Variants in AMDHD2 observed in about 807,000 individuals in gnomAD.
AMDHD2 encodes the protein amidohydrolase domain containing 2, also known as N-acetylglucosamine-6-phosphate deacetylase.
In AMDHD2, 24 loss-of-function variants were observed where a neutral mutation model predicts 41.8. That is an observed-to-expected ratio of 0.57 (90% CI 0.42 to 0.81). The LOEUF (loss-of-function observed/expected upper bound fraction) is 0.81. AMDHD2 is among the 30% of genes least tolerant of loss of function. The pLI is 0.00. For missense variants in AMDHD2, 540 were observed against 588.5 expected, an observed-to-expected ratio of 0.92 and a Z score of 0.85; for synonymous variants, 332 against 255.5, an observed-to-expected ratio of 1.30 and a Z score of -2.85.
intron 10 of AMDHD2, 185 bp from the exon 11 acceptor site, chr16:2,529,290 C>A: frequency 9.0e-7 from 1 of 1,107,992 alleles, no homozygotes. Flanking sequence ...CAGACAAGGC[C>A]AGGCAAGGGG....
intron 3 of AMDHD2, among the ~76,000 whole-genome samples, chr16:2,522,057 T>A (rs145261004): frequency 2.5e-3 from 387 of 152,242 alleles, no homozygotes; most frequent in African/African-American, 8.5e-3. Flanking sequence ...GTGCTGGGAT[T>A]ACAGGCGTGA....
intron 3 of AMDHD2, among the ~76,000 whole-genome samples, chr16:2,525,969 G>A (rs56024669): frequency 0.051 from 7,755 of 152,276 alleles, 637 homozygotes; most frequent in African/African-American, 0.17. Flanking sequence ...GTGAGCTACT[G>A]TGCCCAGCCC....
chr16:2,529,223 G>A (rs905936081), intron 10 of AMDHD2, 128 bp downstream of exon 10: 10 of 1,106,318 alleles, frequency 9.0e-6, no homozygotes, highest in South Asian at 1.7e-5. Flanking sequence ...GTGGGCTGCC[G>A]GCTGCCAGCC....
At chr16:2,526,081 C>T (rs1287318137) in intron 3 of AMDHD2, among the ~76,000 whole-genome samples, 1 of 152,210 alleles carries the variant, frequency 6.6e-6, no homozygotes, top group Non-Finnish European at 1.5e-5. Context: ...CATCTCTCCT[C>T]GTGGTCTCTG....
chr16:2,527,813 G>C lies in AMDHD2; in HGVS notation c.456G>C (p.Arg152=). The C allele has an allele frequency of 6.3e-7, 1 of 1,590,618 alleles. No individual in the cohort carries two copies. The highest frequency in any genetic ancestry group is 8.5e-7 in the Non-Finnish European group (1 of 1,174,158). ...GCCCCTTCATCAGCCGGGAGAAGCG[G>C]GGCGCGCACCCCGAGGCCCACCTCC... ...LEGPFISREK[R]GAHPEAHLRS... The change falls in exon 5 of 11, where the codon CGG becomes CGC. Residue 152 remains arginine (R), a synonymous_variant. Transcript: ENST00000293971. This position sits in a 1 kb window ranked among gnomAD's most constrained non-coding sequence, Gnocchi z 6.1.
At chr16:2,524,219 C>G (rs908154235) in intron 3 of AMDHD2, among the ~76,000 whole-genome samples, 1 of 152,260 alleles carries the variant, frequency 6.6e-6, no homozygotes, top group Non-Finnish European at 1.5e-5. Flanking sequence ...TGGATGGCCA[C>G]TTTGCCAGAA....
At position 2,520,450 on chromosome 16, in the gene AMDHD2, C is replaced by G; in HGVS notation, c.-9C>G. The G allele has an allele frequency of 1.6e-6, 2 of 1,233,346 alleles. No individual in the cohort carries two copies. Among genetic ancestry groups the G allele is most frequent in the East Asian group, 3.2e-5 (1 of 31,206 alleles). The allele number at this position is 1,233,346 out of a possible 1,614,324, so 76.4% of individuals were successfully genotyped here. A position where few individuals can be genotyped will look rare whatever the true frequency, so the allele number is the denominator to read the frequency against. ...GCTCCGGAGCCGCTCGCTCCCGACA[C>G]GGCTCACGATGCGCGGCGAGCAGGG... is the stretch of plus-strand genomic sequence containing the variant. On this transcript the variant is annotated 5_prime_UTR_variant, in exon 1 of 11. Transcript: ENST00000293971.
rs932587384 is a variant in AMDHD2 at position 2,520,448 on chromosome 16, C to T, written c.-11C>T. On this transcript the variant is annotated 5_prime_UTR_variant, in exon 1 of 11. Coordinates refer to ENST00000293971, the MANE Select transcript of AMDHD2 (RefSeq NM_001330449.2). ...GGGCTCCGGAGCCGCTCGCTCCCGACACGGCTCACGATGCGCGGCGAGCAG... is the reference window on the plus strand; with the variant it reads ...GGGCTCCGGAGCCGCTCGCTCCCGATACGGCTCACGATGCGCGGCGAGCAG... The T allele has an allele frequency of 2.0e-5, 25 of 1,232,590 alleles. No individual in the cohort carries two copies. The highest frequency in any genetic ancestry group is 2.4e-5 in the Non-Finnish European group (24 of 981,618). The allele number at this position is 1,232,590 out of a possible 1,614,324, so 76.4% of individuals were successfully genotyped here. A position where few individuals can be genotyped will look rare whatever the true frequency, so the allele number is the denominator to read the frequency against.
chr16:2,529,283 A>G lies in AMDHD2; in HGVS notation c.1141+188A>G, dbSNP rs2066052643. 4.6e-6 allele frequency: 5 copies of G among 1,090,244 alleles called. No homozygotes were observed. In the South Asian group the frequency reaches 8.0e-5, roughly 17 times the overall value. The allele number at this position is 1,090,244 out of a possible 1,614,324, so 67.5% of individuals were successfully genotyped here. A position where few individuals can be genotyped will look rare whatever the true frequency, so the allele number is the denominator to read the frequency against. ...CAGGCCGGGCTTTCTGGTGTTGCAG[A>G]CAAGGCCAGGCAAGGGGTTGCAGGG... On this transcript the variant is annotated intron_variant, in intron 10 of 10. Coordinates refer to ENST00000293971, the MANE Select transcript of AMDHD2 (RefSeq NM_001330449.2).
chr16:2,529,778 C>G lies in AMDHD2; in HGVS notation c.*215C>G, dbSNP rs940798906. 1.0e-5 allele frequency: 15 copies of G among 1,433,006 alleles called. No homozygotes were observed. The African/African-American group carries it at 2.0e-4, about 19-fold the overall frequency. 88.8% of individuals were successfully genotyped at this position (1,433,006 alleles called of 1,614,324 possible). ...GCTTGTGCTCACATGTGGCACCATC[C>G]TTGGTTGCCCTCCTGGAGAAGGCAT... On this transcript the variant is annotated 3_prime_UTR_variant, in exon 11 of 11. Coordinates refer to ENST00000293971, the MANE Select transcript of AMDHD2 (RefSeq NM_001330449.2).
chr16:2,523,410 T>C (rs1287742885), intron 3 of AMDHD2, among the ~76,000 whole-genome samples: 3 of 152,092 alleles, frequency 2.0e-5, no homozygotes, highest in Admixed American at 6.6e-5. Context: ...GGCTCAGGCT[T>C]CCTGGATTTG....
rs768136033 is a variant in AMDHD2, at chr16:2,529,515, C to T, written c.1182C>T (p.Thr394=). 3 of 1,611,888 alleles carry T rather than the reference C, an allele frequency of 1.9e-6. No homozygotes were observed. The highest frequency in any genetic ancestry group is 1.7e-5 in the Admixed American group (1 of 59,994). The change falls in exon 11 of 11, where the codon ACC becomes ACT. Residue 394 remains threonine (T), a synonymous_variant. Coordinates refer to ENST00000293971, the MANE Select transcript of AMDHD2 (RefSeq NM_001330449.2). ...ACGACTCCCTTCACGTCCAGGCCAC[C>T]TACATCTCGGGTGAGCTGGTGTGGC... ...VLDDSLHVQA[T]YISGELVWQA... is the part of the protein sequence containing the mutation.
In AMDHD2 at chr16:2,530,287, C is replaced by T. The variant is rs752189491; in HGVS notation, c.*724C>T. 2.5e-6 allele frequency: 4 copies of T among 1,613,578 alleles called. No homozygotes were observed. Among genetic ancestry groups the T allele is most frequent in the Admixed American group, 3.3e-5 (2 of 59,994 alleles). Reference sequence around the variant, plus strand: ...GTGCTTGCCGGCTGTGGTGACCCTGCCTGGTGCTGGAGGGCAGTATGGGAG... The same window carrying T: ...GTGCTTGCCGGCTGTGGTGACCCTGTCTGGTGCTGGAGGGCAGTATGGGAG... On this transcript the variant is annotated 3_prime_UTR_variant, in exon 11 of 11. Coordinates refer to ENST00000293971, the MANE Select transcript of AMDHD2 (RefSeq NM_001330449.2).
In AMDHD2 at chr16:2,530,644, G is replaced by A; in HGVS notation, c.*1081G>A. 1.2e-6 allele frequency: 2 copies of A among 1,614,194 alleles called. No individual in the cohort carries two copies. Among genetic ancestry groups the A allele is most frequent in the East Asian group, 2.2e-5 (1 of 44,890 alleles). ...CTGCCACTGTTCTCTTCCCTCTGCT[G>A]CAAAGCCCAGTTAAGGAAATGTCTC... On this transcript the variant is annotated 3_prime_UTR_variant, in exon 11 of 11. Transcript: ENST00000293971.
Position 2,527,556 on chromosome 16 carries a change from C to T in AMDHD2, c.361-5C>T. 1 of 1,612,150 alleles carries T rather than the reference C, an allele frequency of 6.2e-7. No homozygotes were observed. Among genetic ancestry groups the T allele is most frequent in the Non-Finnish European group, 8.5e-7 (1 of 1,179,320 alleles). ...GACAGGGCTTTAACAGCTGGTTCCC[C>T]CCAGGTTGTTCCTCAGATCCCTGTG... On this transcript the variant is annotated splice_polypyrimidine_tract_variant and splice_region_variant and intron_variant, in intron 3 of 10. Transcript: ENST00000293971. This position sits in a 1 kb window ranked among gnomAD's most constrained non-coding sequence, Gnocchi z 6.1.
intron 9 of AMDHD2, 122 bp downstream of exon 9, chr16:2,528,840 C>G (rs2066045183): frequency 6.5e-7 from 1 of 1,543,792 alleles, no homozygotes; most frequent in Non-Finnish European, 8.8e-7. Context: ...GCATTGGGTA[C>G]TTGGTGACTC....
At chr16:2,528,876 CA>C in intron 9 of AMDHD2, 117 bp from the exon 10 acceptor site, 1 of 1,480,712 alleles carries the variant, frequency 6.8e-7, no homozygotes, top group Non-Finnish European at 9.1e-7. Context: ...GGCAGACCAG[CA>C]GGGTCCTTGT....
At chr16:2,524,225 C>T (rs2065975615) in intron 3 of AMDHD2, among the ~76,000 whole-genome samples, 1 of 152,254 alleles carries the variant, frequency 6.6e-6, no homozygotes, top group South Asian at 2.1e-4. Flanking sequence ...GCCACTTTGC[C>T]AGAAGCTTCT....
At position 2,520,755 on chromosome 16, in the gene AMDHD2, C is replaced by T. The variant is rs774528435; in HGVS notation, c.84-14C>T. The T allele has an allele frequency of 1.3e-6, 2 of 1,560,852 alleles. No individual in the cohort carries two copies. Among genetic ancestry groups the T allele is most frequent in the East Asian group, 2.3e-5 (1 of 43,424 alleles). ...CAGGCCCGCGATGCGAGCGCCCACCCACTGCGTCCCCAGGGAGGATCTGTG... is the reference window on the plus strand; with the variant it reads ...CAGGCCCGCGATGCGAGCGCCCACCTACTGCGTCCCCAGGGAGGATCTGTG... On this transcript the variant is annotated splice_polypyrimidine_tract_variant and intron_variant, in intron 1 of 10. Coordinates refer to ENST00000293971, the MANE Select transcript of AMDHD2 (RefSeq NM_001330449.2).
Sources: allele counts gnomAD v4.1 joint callset (sites outside exome capture counted in the v4.1 genomes callset), GRCh38; gene constraint gnomAD v4.1.1; non-coding constraint Gnocchi (gnomAD v3.1); transcripts MANE v1.5; gene names NCBI Gene and HGNC (gene_info 2026-07-23, HGNC 2026-07-21).